Variants in PIWIL1 observed in about 807,000 individuals in gnomAD.
The protein encoded by PIWIL1 is piwi-like protein 1.
In PIWIL1, 73 loss-of-function variants were observed where a neutral mutation model predicts 114.4. The observed-to-expected ratio is 0.64, with a 90% CI of 0.53 to 0.78. PIWIL1 has a LOEUF of 0.78. Among genes scored for constraint, PIWIL1 ranks in the 30% least tolerant of loss-of-function variants. The probability of loss-of-function intolerance (pLI) is 0.00; values close to 1 mark genes in which losing one functional copy is unlikely to be tolerated. For synonymous variants in PIWIL1, 375 were observed against 369.0 expected (o/e 1.02, Z -0.19); for missense variants, 723 against 1,063.1 (o/e 0.68, Z 4.45).
At chr12:130,370,889 G>A (rs1407284533) in intron 19 of PIWIL1, among the ~76,000 whole-genome samples, 3 of 152,152 alleles carry the variant, frequency 2.0e-5, no homozygotes, top group African/African-American at 4.8e-5. Flanking sequence ...GTATGCCATC[G>A]TTTTTAGCGC....
At chr12:130,399,609 G>T in the PIWIL1 span, 1 of 1,544,088 alleles carries the variant, frequency 6.5e-7, no homozygotes, top group Non-Finnish European at 8.8e-7. Context: ...AAATATCAGT[G>T]CAAAGATTGT....
the PIWIL1 span, among the ~76,000 whole-genome samples, chr12:130,394,032 T>G: frequency 6.6e-6 from 1 of 152,220 alleles, no homozygotes; most frequent in Non-Finnish European, 1.5e-5. Flanking sequence ...GGTAAGGTTC[T>G]AAAGGTAGAG....
At chr12:130,357,296 G>A (rs1357871074) in intron 13 of PIWIL1, among the ~76,000 whole-genome samples, 185 bp from the exon 14 acceptor site, 1 of 152,042 alleles carries the variant, frequency 6.6e-6, no homozygotes, top group Admixed American at 6.6e-5. Flanking sequence ...GACAGTTTCT[G>A]AAACCTGCGT....
At chr12:130,361,745 C>T in intron 16 of PIWIL1, 144 bp downstream of exon 16, 2 of 641,050 alleles carry the variant, frequency 3.1e-6, no homozygotes, top group Non-Finnish European at 5.4e-6. Flanking sequence ...AAAATAATGA[C>T]CTACCCTAGC....
At chr12:130,357,127 T>C (rs2136165790) in intron 13 of PIWIL1, 22 bp downstream of exon 13, 1 of 1,586,580 alleles carries the variant, frequency 6.3e-7, no homozygotes, top group Middle Eastern at 1.7e-4. Context: ...AAGTCATTTC[T>C]GCTCTGAAAA....
At chr12:130,340,043 G>A (rs1426873561) in intron 1 of PIWIL1, among the ~76,000 whole-genome samples, 2 of 152,172 alleles carry the variant, frequency 1.3e-5, no homozygotes, top group African/African-American at 4.8e-5. Context: ...GCTATGGAGT[G>A]CAGAGATGTG....
At chr12:130,410,808 C>A in the PIWIL1 span, among the ~76,000 whole-genome samples, 2 of 152,180 alleles carry the variant, frequency 1.3e-5, no homozygotes, top group African/African-American at 4.8e-5. Flanking sequence ...TTCCAAGCTT[C>A]TTGTTCTTGT....
the PIWIL1 span, among the ~76,000 whole-genome samples, chr12:130,392,327 G>T: frequency 3.3e-5 from 5 of 151,882 alleles, no homozygotes; most frequent in South Asian, 2.1e-4. Flanking sequence ...GTGTCCGTCA[G>T]TTACCTGGTG....
At chr12:130,343,596 A>C (rs2072985908) in intron 3 of PIWIL1, among the ~76,000 whole-genome samples, 1 of 150,960 alleles carries the variant, frequency 6.6e-6, no homozygotes, top group African/African-American at 2.4e-5. Flanking sequence ...CATTCTGTAA[A>C]GGGATGTGGA....
At chr12:130,355,259 A>G (rs540053376) in intron 11 of PIWIL1, among the ~76,000 whole-genome samples, 1 of 152,370 alleles carries the variant, frequency 6.6e-6, no homozygotes, top group South Asian at 2.1e-4. Context: ...TGACAACAGA[A>G]AAAGGGGATG....
intron 3 of PIWIL1, among the ~76,000 whole-genome samples, chr12:130,343,829 G>A (rs1484464244): frequency 6.6e-6 from 1 of 151,966 alleles, no homozygotes; most frequent in East Asian, 1.9e-4. Context: ...GGGTTTCACC[G>A]TGTTAGCCAG....
the PIWIL1 span, among the ~76,000 whole-genome samples, chr12:130,377,647 T>C: frequency 1.3e-5 from 2 of 152,202 alleles, no homozygotes; most frequent in Non-Finnish European, 2.9e-5. Context: ...GAGGAGTAGG[T>C]CCAGTCCATC....
intron 1 of PIWIL1, 65 bp downstream of exon 1, chr12:130,338,211 C>G: frequency 7.7e-6 from 2 of 260,410 alleles, no homozygotes; most frequent in African/African-American, 2.6e-5. Flanking sequence ...GGCTGGGGGT[C>G]CGGGATGTGG....
intron 1 of PIWIL1, among the ~76,000 whole-genome samples, chr12:130,340,634 G>A (rs1024239741): frequency 2.1e-5 from 1 of 48,088 alleles, no homozygotes; most frequent in African/African-American, 5.4e-5. Flanking sequence ...GTGGTGGTTG[G>A]GGGAGGGGGG....
chr12:130,404,137 G>T, the PIWIL1 span, among the ~76,000 whole-genome samples: 58 of 152,252 alleles, frequency 3.8e-4, no homozygotes, highest in African/African-American at 1.3e-3. Context: ...CAATCTGTGG[G>T]AACCCAAGGG....
chr12:130,400,779 A>G, the PIWIL1 span, among the ~76,000 whole-genome samples: 7 of 152,218 alleles, frequency 4.6e-5, no homozygotes, highest in Non-Finnish European at 1.0e-4. Flanking sequence ...AAAAAACCCA[A>G]TTAAAGACAT....
At chr12:130,353,771 A>T (rs1397228303) in intron 9 of PIWIL1, among the ~76,000 whole-genome samples, 1 of 151,852 alleles carries the variant, frequency 6.6e-6, no homozygotes, top group Non-Finnish European at 1.5e-5. Context: ...TACTAAAAAT[A>T]TAAAATTAGC....
At chr12:130,351,978 C>T (rs1467469878) in intron 9 of PIWIL1, among the ~76,000 whole-genome samples, 1 of 152,154 alleles carries the variant, frequency 6.6e-6, no homozygotes, top group Non-Finnish European at 1.5e-5. Flanking sequence ...GCTTTATTCT[C>T]ATGGCGTGTC....
chr12:130,378,231 G>A, the PIWIL1 span, among the ~76,000 whole-genome samples: 3 of 152,146 alleles, frequency 2.0e-5, no homozygotes, highest in Non-Finnish European at 2.9e-5. Flanking sequence ...CTGGAGAACC[G>A]GGTAGCATGC....
Sources: allele counts gnomAD v4.1 joint callset (sites outside exome capture counted in the v4.1 genomes callset), GRCh38; gene constraint gnomAD v4.1.1; transcripts MANE v1.5; gene names NCBI Gene and HGNC (gene_info 2026-07-23, HGNC 2026-07-21).